HS6ST3: variants seen among roughly 807,000 people sequenced by gnomAD.
The protein encoded by HS6ST3 is heparan-sulfate 6-O-sulfotransferase 3.
A neutral mutation model predicts 36.7 loss-of-function variants in HS6ST3; 12 were observed. The observed-to-expected ratio is 0.33, with a 90% CI of 0.21 to 0.53. The LOEUF is 0.53. Among genes scored for constraint, HS6ST3 ranks in the 20% least tolerant of loss-of-function variants. The pLI is 0.95. For missense variants in HS6ST3, 584 were observed against 640.9 expected (o/e 0.91, Z 0.96); for synonymous variants, 240 against 257.5 (o/e 0.93, Z 0.65).
chr13:96,162,659 G>T (rs2054141319), intron 1 of HS6ST3, among the ~76,000 whole-genome samples: 1 of 152,178 alleles, frequency 6.6e-6, no homozygotes, highest in Non-Finnish European at 1.5e-5. Flanking sequence ...ATATACAATT[G>T]TTGTACTATG....
rs1227668175 is a variant in HS6ST3 at position 96,606,787 on chromosome 13, A to G, written c.708-225703A>G. On this transcript the variant is annotated intron_variant, in intron 1 of 1. Coordinates refer to ENST00000376705, the MANE Select transcript of HS6ST3 (RefSeq NM_153456.4). ...AAATAAAAGTTGAAATCATTTTAAA[A>G]AAAGAAAGAACAGAAATAAAAGAAA... Among the ~76,000 whole-genome samples the G allele has an allele frequency of 2.6e-5, 4 of 152,232 alleles. No individual in the cohort carries two copies. In the East Asian group the frequency reaches 5.8e-4, roughly 22 times the overall value.
At chr13:96,767,278 C>T (rs1210106153) in intron 1 of HS6ST3, among the ~76,000 whole-genome samples, 1 of 152,218 alleles carries the variant, frequency 6.6e-6, no homozygotes, top group Non-Finnish European at 1.5e-5. Flanking sequence ...AACTTAGTCA[C>T]TGTGGAATTA....
chr13:96,804,859 C>T (rs1253231704), intron 1 of HS6ST3, among the ~76,000 whole-genome samples: 1 of 152,178 alleles, frequency 6.6e-6, no homozygotes, highest in Non-Finnish European at 1.5e-5. Flanking sequence ...TCCTGCTTTG[C>T]TACTTTCAGT....
intron 1 of HS6ST3, among the ~76,000 whole-genome samples, chr13:96,467,432 A>G (rs944734333): frequency 1.3e-5 from 2 of 152,156 alleles, no homozygotes; most frequent in African/African-American, 4.8e-5. Flanking sequence ...AATTCTCATT[A>G]TTCTTTTATA....
intron 1 of HS6ST3, among the ~76,000 whole-genome samples, chr13:96,193,339 C>G (rs1594711107): frequency 6.6e-6 from 1 of 152,170 alleles, no homozygotes; most frequent in African/African-American, 2.4e-5. Flanking sequence ...TCCGCACTTT[C>G]AGCTCCCACT....
intron 1 of HS6ST3, among the ~76,000 whole-genome samples, chr13:96,311,910 A>G (rs2054943067): frequency 1.3e-5 from 2 of 151,994 alleles, no homozygotes; most frequent in South Asian, 4.2e-4. Context: ...GCCTCTAAAT[A>G]AATCTCTGCT....
At chr13:96,144,997 A>C (rs1247505907) in intron 1 of HS6ST3, among the ~76,000 whole-genome samples, 1 of 151,452 alleles carries the variant, frequency 6.6e-6, no homozygotes, top group Admixed American at 6.6e-5. Flanking sequence ...TTATGGCTAC[A>C]TAGTATTCTG....
intron 1 of HS6ST3, among the ~76,000 whole-genome samples, chr13:96,144,901 G>T (rs1294804691): frequency 6.8e-6 from 1 of 146,606 alleles, no homozygotes; most frequent in Non-Finnish European, 1.5e-5. Context: ...TGAGGTGTTT[G>T]GTTTTTTGTC....
intron 1 of HS6ST3, among the ~76,000 whole-genome samples, chr13:96,817,822 G>A (rs755162137): frequency 1.4e-4 from 21 of 152,140 alleles, no homozygotes; most frequent in Non-Finnish European, 2.4e-4. Context: ...AAAGGGGCAT[G>A]TTTAGGGAAG....
Position 96,169,507 on chromosome 13 carries a change from A to C in HS6ST3, c.707+77938A>C, listed in dbSNP as rs545020694. 2.0e-5 allele frequency: 3 copies of C among 152,458 alleles called. No individual in the cohort carries two copies. The East Asian group carries it at 5.8e-4, about 29-fold the overall frequency. The allele number at this position is 152,458 out of a possible 1,614,324, so 9.4% of individuals were successfully genotyped here. On this transcript the variant is annotated intron_variant, in intron 1 of 1. Coordinates refer to ENST00000376705, the MANE Select transcript of HS6ST3 (RefSeq NM_153456.4). The stretch of plus-strand genomic sequence containing the variant: ...AGGCTCCAGCAGGAGCGTTTTTAAT[A>C]CTGTGCATGCTTGCTGCTGATGTCT...
intron 1 of HS6ST3, among the ~76,000 whole-genome samples, chr13:96,724,796 A>G (rs769560051): frequency 3.3e-5 from 5 of 152,168 alleles, no homozygotes; most frequent in African/African-American, 9.7e-5. Context: ...GTTGTTCTCA[A>G]TCTTGCGATA....
At chr13:96,382,671 G>A (rs777268560) in intron 1 of HS6ST3, among the ~76,000 whole-genome samples, 7 of 152,162 alleles carry the variant, frequency 4.6e-5, no homozygotes, top group Admixed American at 1.3e-4. Flanking sequence ...CCCAAGGGGT[G>A]TGCACTTCTA....
intron 1 of HS6ST3, among the ~76,000 whole-genome samples, chr13:96,100,070 G>C (rs1260372169): frequency 6.6e-6 from 1 of 151,988 alleles, no homozygotes; most frequent in Non-Finnish European, 1.5e-5. Context: ...ATGATACAAA[G>C]GAGGGAGAGA....
At chr13:96,454,764 TAGGAGC>T (rs1410305080) in intron 1 of HS6ST3, among the ~76,000 whole-genome samples, 1 of 151,970 alleles carries the variant, frequency 6.6e-6, no homozygotes, top group African/African-American at 2.4e-5. Context: ...TGGTTAGGAA[TAGGAGC>T]ACTGACATTT....
intron 1 of HS6ST3, among the ~76,000 whole-genome samples, chr13:96,400,029 A>T (rs1285650353): frequency 6.6e-6 from 1 of 152,048 alleles, no homozygotes; most frequent in East Asian, 1.9e-4. Flanking sequence ...CACACAACTC[A>T]CTAAAAGTTT....
In HS6ST3 at chr13:96,834,928, G is replaced by A. The variant is rs888741575; in HGVS notation, c.*1730G>A. 6.6e-6 allele frequency: 1 copy of A among 152,550 alleles called. No homozygotes were observed. 9.4% of individuals were successfully genotyped at this position (152,550 alleles called of 1,614,324 possible). On this transcript the variant is annotated 3_prime_UTR_variant, in exon 2 of 2. Coordinates refer to ENST00000376705, the MANE Select transcript of HS6ST3 (RefSeq NM_153456.4). ...GGGGTGCAAGGGAAGGCATTATCGGGTGGCTCCCTTGCTCCAGGAACTGAA... is the reference window on the plus strand; with the variant it reads ...GGGGTGCAAGGGAAGGCATTATCGGATGGCTCCCTTGCTCCAGGAACTGAA...
intron 1 of HS6ST3, among the ~76,000 whole-genome samples, chr13:96,367,960 T>C (rs1252615215): frequency 6.6e-6 from 1 of 152,194 alleles, no homozygotes; most frequent in Non-Finnish European, 1.5e-5. Context: ...TCATGATGTT[T>C]ATGGTTTTTT....
At chr13:96,703,533 AG>A (rs1875343079) in intron 1 of HS6ST3, among the ~76,000 whole-genome samples, 1 of 152,218 alleles carries the variant, frequency 6.6e-6, no homozygotes, top group South Asian at 2.1e-4. Context: ...ATATGTCTAA[AG>A]TGGGGATAAC....
At chr13:96,388,364 G>T (rs544947384) in intron 1 of HS6ST3, among the ~76,000 whole-genome samples, 118 of 152,286 alleles carry the variant, frequency 7.7e-4, no homozygotes, top group African/African-American at 2.7e-3. Flanking sequence ...TCACATTTAT[G>T]CCTGATAAAT....
Sources: allele counts gnomAD v4.1 joint callset (sites outside exome capture counted in the v4.1 genomes callset), GRCh38; gene constraint gnomAD v4.1.1; transcripts MANE v1.5; gene names NCBI Gene and HGNC (gene_info 2026-07-23, HGNC 2026-07-21).